Variants in ADAM12 observed in about 807,000 individuals in gnomAD.
ADAM12 encodes disintegrin and metalloproteinase domain-containing protein 12.
A neutral mutation model predicts 106.4 loss-of-function variants in ADAM12; 70 were observed. That is an observed-to-expected ratio of 0.66 (90% CI 0.54 to 0.80). ADAM12 has a LOEUF of 0.80. Among genes scored for constraint, ADAM12 ranks in the 30% least tolerant of loss-of-function variants. The pLI, the probability that ADAM12 is intolerant of heterozygous loss-of-function variation, is 0.00. For synonymous variants in ADAM12, 420 were observed against 433.5 expected, an observed-to-expected ratio of 0.97 and a Z score of 0.39; for missense variants, 1,010 against 1,171.9, an observed-to-expected ratio of 0.86 and a Z score of 2.02.
chr10:126,092,467 A>G, intron 11 of ADAM12, among the ~76,000 whole-genome samples: 1 of 152,246 alleles, frequency 6.6e-6, no homozygotes, highest in African/African-American at 2.4e-5. Flanking sequence ...CCAAATGTCC[A>G]GCAAACAATT....
intron 21 of ADAM12, among the ~76,000 whole-genome samples, chr10:126,028,661 C>T (rs1425533908): frequency 1.3e-5 from 2 of 152,016 alleles, no homozygotes; most frequent in African/African-American, 4.8e-5. Context: ...AACTCAGGAT[C>T]GATTAAAGAC....
intron 4 of ADAM12, among the ~76,000 whole-genome samples, chr10:126,146,911 T>A (rs894108033): frequency 6.6e-6 from 1 of 152,198 alleles, no homozygotes; most frequent in Non-Finnish European, 1.5e-5. Context: ...TCCAGAATTA[T>A]CTTTTCATCT....
At chr10:126,334,639 C>G (rs1384839824) in intron 1 of ADAM12, among the ~76,000 whole-genome samples, 1 of 152,136 alleles carries the variant, frequency 6.6e-6, no homozygotes, top group Non-Finnish European at 1.5e-5. Flanking sequence ...GAAGAAACCT[C>G]TCAAAGTGAC....
intron 21 of ADAM12, among the ~76,000 whole-genome samples, chr10:126,021,404 A>G (rs947996588): frequency 1.3e-5 from 2 of 152,228 alleles, no homozygotes; most frequent in Admixed American, 1.3e-4. Flanking sequence ...ATGCAACAAT[A>G]TAATCACCAT....
At chr10:126,044,825 G>T (rs529747444) in intron 17 of ADAM12, among the ~76,000 whole-genome samples, 6 of 152,332 alleles carry the variant, frequency 3.9e-5, no homozygotes, top group Admixed American at 3.3e-4. Flanking sequence ...TACGTCAAAT[G>T]TAAGTGTCTT....
chr10:126,372,858 G>A (rs1856156505), intron 1 of ADAM12, among the ~76,000 whole-genome samples: 1 of 152,194 alleles, frequency 6.6e-6, no homozygotes, highest in Admixed American at 6.5e-5. Context: ...AAGGAGAGCA[G>A]AGACAAGAAA....
intron 2 of ADAM12, among the ~76,000 whole-genome samples, chr10:126,283,975 G>A (rs1162097855): frequency 7.9e-5 from 12 of 152,098 alleles, no homozygotes; most frequent in Admixed American, 7.2e-4. Flanking sequence ...GTACCAAGTA[G>A]GAGTCCAACT....
chr10:126,093,550 G>T (rs1005837453), intron 11 of ADAM12, among the ~76,000 whole-genome samples: 1 of 152,174 alleles, frequency 6.6e-6, no homozygotes. Flanking sequence ...CTTCTACCCA[G>T]CACCCTCTAA....
At chr10:126,100,738 C>G (rs1248842735) in intron 9 of ADAM12, among the ~76,000 whole-genome samples, 1 of 151,620 alleles carries the variant, frequency 6.6e-6, no homozygotes, top group South Asian at 2.1e-4. Context: ...AAACAAAAAA[C>G]AAAACAAAAA....
intron 8 of ADAM12, among the ~76,000 whole-genome samples, chr10:126,104,615 A>G (rs1424087038): frequency 7.2e-5 from 11 of 152,198 alleles, no homozygotes; most frequent in Non-Finnish European, 1.0e-4. Flanking sequence ...CGATAGCTCC[A>G]TGGGCAGGTG....
intron 4 of ADAM12, among the ~76,000 whole-genome samples, chr10:126,136,225 C>A (rs970648750): frequency 6.6e-6 from 1 of 152,134 alleles, no homozygotes; most frequent in Non-Finnish European, 1.5e-5. Context: ...GACAAAAGTT[C>A]CCGTGTGTCA....
chr10:126,349,564 T>C (rs749435143), intron 1 of ADAM12, among the ~76,000 whole-genome samples: 11 of 152,198 alleles, frequency 7.2e-5, no homozygotes, highest in Non-Finnish European at 1.0e-4. Flanking sequence ...TGTTTTAGTA[T>C]GCAGTTGTTA....
intron 21 of ADAM12, 82 bp downstream of exon 21, chr10:126,036,064 C>CAACTT: frequency 8.1e-7 from 1 of 1,240,068 alleles, no homozygotes; most frequent in Admixed American, 3.3e-5. Flanking sequence ...AGAAGTTAAG[C>CAACTT]AACTTATCTA....
chr10:126,237,095 T>G (rs2133640804), intron 3 of ADAM12, among the ~76,000 whole-genome samples: 1 of 152,342 alleles, frequency 6.6e-6, no homozygotes, highest in African/African-American at 2.4e-5. Flanking sequence ...GCGTCTACGT[T>G]AATTAACATG....
chr10:126,264,108 T>C (rs139714726), intron 3 of ADAM12, among the ~76,000 whole-genome samples: 1 of 152,242 alleles, frequency 6.6e-6, no homozygotes, highest in Non-Finnish European at 1.5e-5. Flanking sequence ...TACAATACCA[T>C]CAAAACTTTA....
chr10:126,223,226 T>C (rs1958128936), intron 3 of ADAM12, among the ~76,000 whole-genome samples: 1 of 152,240 alleles, frequency 6.6e-6, no homozygotes, highest in Admixed American at 6.5e-5. Context: ...AATCTAGTTG[T>C]TTTTGCTTCC....
At chr10:126,305,548 T>G (rs1476751070) in intron 2 of ADAM12, among the ~76,000 whole-genome samples, 4 of 152,086 alleles carry the variant, frequency 2.6e-5, no homozygotes, top group African/African-American at 9.7e-5. Flanking sequence ...ATATTTAATG[T>G]CTTGATTTGG....
intron 14 of ADAM12, among the ~76,000 whole-genome samples, chr10:126,063,022 C>G (rs1348026787): frequency 2.6e-5 from 4 of 152,204 alleles, no homozygotes; most frequent in African/African-American, 9.7e-5. Context: ...CTGGCTTAGT[C>G]CTTGTCATTG....
intron 2 of ADAM12, among the ~76,000 whole-genome samples, chr10:126,312,584 G>A (rs1234722485): frequency 6.6e-6 from 1 of 152,194 alleles, no homozygotes; most frequent in African/African-American, 2.4e-5. Flanking sequence ...AGGCAGGCCT[G>A]TGGGGAGCCT....
Sources: allele counts gnomAD v4.1 joint callset (sites outside exome capture counted in the v4.1 genomes callset), GRCh38; gene constraint gnomAD v4.1.1; transcripts MANE v1.5; gene names NCBI Gene and HGNC (gene_info 2026-07-23, HGNC 2026-07-21).